Variants in SEC63 observed in about 807,000 individuals in gnomAD.
SEC63 encodes translocation protein SEC63 homolog.
Under a neutral mutation model 116.2 loss-of-function variants are expected in SEC63, and 56 were observed. That is an observed-to-expected ratio of 0.48 (90% CI 0.39 to 0.60). The LOEUF (loss-of-function observed/expected upper bound fraction) is 0.60. Among genes scored for constraint, SEC63 ranks in the 20% least tolerant of loss-of-function variants. The pLI is 0.00. For missense variants in SEC63, 668 were observed against 900.0 expected, an observed-to-expected ratio of 0.74 and a Z score of 3.30; for synonymous variants, 273 against 294.6, an observed-to-expected ratio of 0.93 and a Z score of 0.75.
At chr6:107,933,858 T>C (rs982301970) in intron 1 of SEC63, among the ~76,000 whole-genome samples, 35 of 152,326 alleles carry the variant, frequency 2.3e-4, no homozygotes, top group Admixed American at 1.6e-3. Flanking sequence ...GTGCCTGCGA[T>C]TGCAGGCGCG....
chr6:107,903,045 G>A, intron 11 of SEC63, 47 bp from the exon 12 acceptor site: 1 of 1,596,664 alleles, frequency 6.3e-7, no homozygotes, highest in South Asian at 1.1e-5. Context: ...CTTTTTACAT[G>A]TTCAGGAGTA....
At chr6:107,897,605 GAC>G (rs761495338) in intron 14 of SEC63, 42 bp downstream of exon 14, 1 of 1,272,164 alleles carries the variant, frequency 7.9e-7, no homozygotes, top group Non-Finnish European at 1.2e-6. Context: ...TAAAAGCCTT[GAC>G]ACACAACTCT....
chr6:107,902,053 GTGTTCT>G (rs1247930806), intron 12 of SEC63, among the ~76,000 whole-genome samples: 2 of 151,984 alleles, frequency 1.3e-5, no homozygotes, highest in Admixed American at 6.6e-5. Flanking sequence ...ACTTAGGAGC[GTGTTCT>G]TTAATTTTCC....
intron 4 of SEC63, among the ~76,000 whole-genome samples, chr6:107,918,435 A>T (rs1787465521): frequency 6.6e-6 from 1 of 152,148 alleles, no homozygotes; most frequent in Non-Finnish European, 1.5e-5. Context: ...AAATAGTAAG[A>T]CTTGCACTGA....
At chr6:107,955,405 C>T (rs1189467268) in intron 1 of SEC63, among the ~76,000 whole-genome samples, 2 of 152,226 alleles carry the variant, frequency 1.3e-5, no homozygotes, top group East Asian at 1.9e-4. Flanking sequence ...TTAGGTGATC[C>T]GCCCGCCTGG....
Position 107,903,010 on chromosome 6 carries a change from CA to C in SEC63, c.1055-13del. 1 of 1,613,650 alleles carries C rather than the reference CA, an allele frequency of 6.2e-7. No individual in the cohort carries two copies. Among genetic ancestry groups the C allele is most frequent in the Non-Finnish European group, 8.5e-7 (1 of 1,179,826 alleles). On this transcript the variant is annotated splice_polypyrimidine_tract_variant and intron_variant, in intron 11 of 20. Transcript: ENST00000369002. ...ACGAAACTCCCTTTCTTAGAAAGAA[CA>C]GGAAAAAAAGAAACAGGGCTGGACT...
chr6:107,910,560 TCATA>T (rs1787254260), intron 7 of SEC63, among the ~76,000 whole-genome samples: 1 of 150,876 alleles, frequency 6.6e-6, no homozygotes, highest in Non-Finnish European at 1.5e-5. Flanking sequence ...TATATGCATG[TCATA>T]CATATACACG....
chr6:107,940,252 G>A (rs568033379), intron 1 of SEC63, among the ~76,000 whole-genome samples: 1 of 151,528 alleles, frequency 6.6e-6, no homozygotes, highest in Admixed American at 6.6e-5. Context: ...TCTCAGGAAT[G>A]CCTGAACAAT....
At chr6:107,908,023 T>A (rs1158757271) in intron 8 of SEC63, among the ~76,000 whole-genome samples, 1 of 152,200 alleles carries the variant, frequency 6.6e-6, no homozygotes, top group Non-Finnish European at 1.5e-5. Flanking sequence ...AGAGTAATAT[T>A]TTCGATAAGG....
intron 9 of SEC63, 33 bp from the exon 10 acceptor site, chr6:107,906,613 G>A (rs1449182944): frequency 1.2e-5 from 19 of 1,606,468 alleles, no homozygotes; most frequent in African/African-American, 4.0e-5. Flanking sequence ...TCAAAAACAC[G>A]CTTTTTTTAA....
intron 14 of SEC63, among the ~76,000 whole-genome samples, chr6:107,896,616 A>T (rs944704186): frequency 6.6e-6 from 1 of 151,306 alleles, no homozygotes; most frequent in African/African-American, 2.5e-5. Flanking sequence ...GGAGAAAGAC[A>T]GAAGACGACA....
chr6:107,904,352 G>C (rs955546591), intron 11 of SEC63, among the ~76,000 whole-genome samples: 1 of 151,134 alleles, frequency 6.6e-6, no homozygotes, highest in Non-Finnish European at 1.5e-5. Context: ...AGAGGTTGCA[G>C]AGAGCCAAGA....
At chr6:107,919,255 A>G (rs191704883) in intron 4 of SEC63, among the ~76,000 whole-genome samples, 1 of 152,258 alleles carries the variant, frequency 6.6e-6, no homozygotes, top group Admixed American at 6.5e-5. Flanking sequence ...GCAGTTCAAG[A>G]CTTCAGTAGA....
intron 1 of SEC63, among the ~76,000 whole-genome samples, chr6:107,941,005 A>C (rs1770363067): frequency 6.6e-6 from 1 of 152,146 alleles, no homozygotes; most frequent in Non-Finnish European, 1.5e-5. Flanking sequence ...AACAAAGAGA[A>C]AGTGGAAGAG....
At chr6:107,922,659 G>T (rs1012830817) in intron 3 of SEC63, among the ~76,000 whole-genome samples, 3 of 152,098 alleles carry the variant, frequency 2.0e-5, no homozygotes, top group Admixed American at 2.0e-4. Flanking sequence ...TGACCTTAAT[G>T]GTTTCTTAGT....
At chr6:107,881,022 C>A in intron 18 of SEC63, 127 bp downstream of exon 18, 1 of 717,260 alleles carries the variant, frequency 1.4e-6, no homozygotes, top group Non-Finnish European at 2.5e-6. Context: ...AAAATATGGC[C>A]TCTCAGGATA....
intron 14 of SEC63, 45 bp from the exon 15 acceptor site, chr6:107,893,942 T>C: frequency 6.3e-7 from 1 of 1,591,112 alleles, no homozygotes; most frequent in Non-Finnish European, 8.6e-7. Context: ...TCAACCTATA[T>C]TTATCTTTCA....
At chr6:107,924,002 C>T (rs11962893) in intron 3 of SEC63, among the ~76,000 whole-genome samples, 51 of 152,192 alleles carry the variant, frequency 3.4e-4, no homozygotes, top group African/African-American at 1.1e-3. Flanking sequence ...CGGTGGCTCA[C>T]GCCTGTAATC....
chr6:107,933,669 T>TCTGCCCCTGCCC (rs747918203), intron 1 of SEC63, among the ~76,000 whole-genome samples: 8 of 148,158 alleles, frequency 5.4e-5, no homozygotes, highest in African/African-American at 1.3e-4. Context: ...TGCCTCTGCC[T>TCTGCCCCTGCCC]CTGCCCCTGC....
Sources: allele counts gnomAD v4.1 joint callset (sites outside exome capture counted in the v4.1 genomes callset), GRCh38; gene constraint gnomAD v4.1.1; transcripts MANE v1.5; gene names NCBI Gene and HGNC (gene_info 2026-07-23, HGNC 2026-07-21).